Variants in GABPA observed in about 807,000 individuals in gnomAD.
GABPA encodes the protein GA binding protein transcription factor subunit alpha, also known as GA-binding protein alpha chain.
A neutral mutation model predicts 59.4 loss-of-function variants in GABPA; 4 were observed. The ratio of observed to expected loss-of-function variants is 0.07; its 90% CI spans 0.03 to 0.15. The LOEUF (loss-of-function observed/expected upper bound fraction) is 0.15. GABPA is among the 10% of genes least tolerant of loss of function. GABPA has a pLI of 1.00. For synonymous variants in GABPA, 164 were observed against 183.1 expected, an observed-to-expected ratio of 0.90 and a Z score of 0.84; for missense variants, 251 against 543.8, an observed-to-expected ratio of 0.46 and a Z score of 5.36.
intron 3 of GABPA, among the ~76,000 whole-genome samples, chr21:25,748,339 G>A (rs371651714): frequency 1.3e-5 from 2 of 152,222 alleles, no homozygotes; most frequent in Admixed American, 6.5e-5. Flanking sequence ...TGCAGACACA[G>A]TTATAAATTA....
At chr21:25,747,770 G>C (rs915828246) in intron 3 of GABPA, among the ~76,000 whole-genome samples, 2 of 152,152 alleles carry the variant, frequency 1.3e-5, no homozygotes, top group Non-Finnish European at 2.9e-5. Context: ...AGTTACATTT[G>C]CCATAGCTTC....
At chr21:25,767,886 A>C (rs1221859318) in intron 9 of GABPA, among the ~76,000 whole-genome samples, 2 of 152,132 alleles carry the variant, frequency 1.3e-5, no homozygotes, top group African/African-American at 4.8e-5. Flanking sequence ...TATATAGGTC[A>C]GTCCTTTCAT....
intron 6 of GABPA, among the ~76,000 whole-genome samples, chr21:25,761,243 T>C (rs2035758763): frequency 6.6e-6 from 1 of 152,168 alleles, no homozygotes; most frequent in Admixed American, 6.6e-5. Flanking sequence ...GTTTCTTTAA[T>C]CCTCACAATA....
At chr21:25,750,801 A>C (rs1200703237) in intron 4 of GABPA, among the ~76,000 whole-genome samples, 1 of 152,208 alleles carries the variant, frequency 6.6e-6, no homozygotes, top group Non-Finnish European at 1.5e-5. Flanking sequence ...TGATGCAAGT[A>C]TGTTTAAGAA....
intron 3 of GABPA, among the ~76,000 whole-genome samples, chr21:25,748,116 G>A (rs903237640): frequency 6.6e-6 from 1 of 152,100 alleles, no homozygotes; most frequent in Non-Finnish European, 1.5e-5. Context: ...ATGTTGCCCA[G>A]GCTGGTCTCG....
chr21:25,745,306 A>G lies in GABPA; in HGVS notation c.174A>G (p.Arg58=). The G allele has an allele frequency of 6.2e-7, 1 of 1,613,838 alleles. No homozygotes were observed. Among genetic ancestry groups the G allele is most frequent in the Non-Finnish European group, 8.5e-7 (1 of 1,179,816 alleles). ...IGNLKKLLEP[R]LQCSLDAHEI... Reference sequence around the variant, plus strand: ...ATTTAAAGAAACTGCTAGAACCAAGACTACAGTGTTCTTTGGATGCTCATG... The same window carrying G: ...ATTTAAAGAAACTGCTAGAACCAAGGCTACAGTGTTCTTTGGATGCTCATG... Residue 58 remains arginine, a synonymous_variant, in exon 3 of 10, where the codon AGA becomes AGG. Coordinates refer to ENST00000400075, the MANE Select transcript of GABPA (RefSeq NM_002040.4).
In GABPA at chr21:25,741,559, A is replaced by AG; in HGVS notation, c.-26-13dup. Reference sequence around the variant, plus strand: ...TGGATAGTTTTAAAATATCTTAAAAAGTCACTCTTGCAGGACTGATCCTTT... The same window carrying AG: ...TGGATAGTTTTAAAATATCTTAAAAAGGTCACTCTTGCAGGACTGATCCTTT... On this transcript the variant is annotated splice_polypyrimidine_tract_variant and intron_variant, in intron 1 of 9. Transcript: ENST00000400075. 1 of 1,382,730 alleles carries AG rather than the reference A, an allele frequency of 7.2e-7. No individual in the cohort carries two copies. Among genetic ancestry groups the AG allele is most frequent in the Non-Finnish European group, 1.0e-6 (1 of 995,370 alleles). 85.7% of individuals were successfully genotyped at this position (1,382,730 alleles called of 1,614,324 possible).
chr21:25,741,746 A>T, intron 2 of GABPA, 71 bp downstream of exon 2: 2 of 972,410 alleles, frequency 2.1e-6, no homozygotes, highest in Non-Finnish European at 3.2e-6. Context: ...GAAACAAGTC[A>T]TAGTTCTTTT....
chr21:25,757,725 C>T (rs1311525319), intron 5 of GABPA, among the ~76,000 whole-genome samples: 2 of 151,790 alleles, frequency 1.3e-5, no homozygotes, highest in South Asian at 2.1e-4. Flanking sequence ...TCATTTGGCC[C>T]ACTGGAGAGC....
At chr21:25,749,967 G>T (rs142948279) in intron 4 of GABPA, among the ~76,000 whole-genome samples, 1 of 152,146 alleles carries the variant, frequency 6.6e-6, no homozygotes, top group African/African-American at 2.4e-5. Context: ...TTACATTATG[G>T]TGTGCTTTGT....
At chr21:25,737,342 T>C (rs2035101420) in intron 1 of GABPA, among the ~76,000 whole-genome samples, 1 of 152,246 alleles carries the variant, frequency 6.6e-6, no homozygotes, top group African/African-American at 2.4e-5. Flanking sequence ...AAAACTGATA[T>C]GAAAGATTTG....
chr21:25,747,168 A>G (rs1307506230), intron 3 of GABPA, among the ~76,000 whole-genome samples: 1 of 152,186 alleles, frequency 6.6e-6, no homozygotes, highest in African/African-American at 2.4e-5. Context: ...TGGCTCCAGA[A>G]CTCTCTTCAC....
intron 3 of GABPA, among the ~76,000 whole-genome samples, chr21:25,746,257 C>T (rs1428373830): frequency 3.9e-5 from 6 of 152,072 alleles, no homozygotes; most frequent in African/African-American, 9.7e-5. Flanking sequence ...TCAAGTGATC[C>T]GCCTGCCTTG....
At chr21:25,735,607 GCGCGGGCCCT>G (rs2035018508) in intron 1 of GABPA, 29 bp downstream of exon 1, 1 of 152,596 alleles carries the variant, frequency 6.6e-6, no homozygotes, top group Non-Finnish European at 1.5e-5. Flanking sequence ...GAGGAGGGGA[GCGCGGGCCCT>G]CGCGGGCCGG....
chr21:25,767,659 G>A (rs1412696894), intron 9 of GABPA, among the ~76,000 whole-genome samples: 2 of 151,848 alleles, frequency 1.3e-5, no homozygotes, highest in African/African-American at 4.8e-5. Flanking sequence ...ACATATTAAT[G>A]TAGAAATTTT....
In GABPA at chr21:25,738,108, A is replaced by G. The variant is rs576619891; in HGVS notation, c.-27+2530A>G. Among the ~76,000 whole-genome samples the G allele has an allele frequency of 3.9e-4, 60 of 152,288 alleles. 1 individual carries two copies. Among genetic ancestry groups the G allele is most frequent in the African/African-American group, 1.4e-3 (58 of 41,556 alleles). Reference sequence around the variant, plus strand: ...TTATAGGTATGAGTATGCTTGATATACTTTTCTCCAGAATGTCTACACCTG... The same window carrying G: ...TTATAGGTATGAGTATGCTTGATATGCTTTTCTCCAGAATGTCTACACCTG... On this transcript the variant is annotated intron_variant, in intron 1 of 9. Coordinates refer to ENST00000400075, the MANE Select transcript of GABPA (RefSeq NM_002040.4).
chr21:25,758,762 ATAAGTTTTTCCACTTATAACTTG>A (rs967783962), intron 6 of GABPA, among the ~76,000 whole-genome samples: 2 of 152,194 alleles, frequency 1.3e-5, no homozygotes, highest in Admixed American at 1.3e-4. Flanking sequence ...GCCATTGGTT[ATAAGTTTTTCCACTTATAACTTG>A]TAAGGCTTCA....
At chr21:25,764,072 T>C (rs2035831080) in intron 7 of GABPA, 138 bp from the exon 8 acceptor site, 1 of 629,778 alleles carries the variant, frequency 1.6e-6, no homozygotes, top group African/African-American at 1.9e-5. Context: ...AAATTGTGGA[T>C]TGAGGCTTTC....
intron 6 of GABPA, among the ~76,000 whole-genome samples, chr21:25,761,256 C>T (rs980983476): frequency 6.6e-6 from 1 of 152,088 alleles, no homozygotes; most frequent in Non-Finnish European, 1.5e-5. Flanking sequence ...TCACAATAAC[C>T]TCATGAGGCA....
Sources: allele counts gnomAD v4.1 joint callset (sites outside exome capture counted in the v4.1 genomes callset), GRCh38; gene constraint gnomAD v4.1.1; transcripts MANE v1.5; gene names NCBI Gene and HGNC (gene_info 2026-07-23, HGNC 2026-07-21).